Variants in GPC1 observed in about 807,000 individuals in gnomAD.
GPC1 encodes glypican-1.
Under a neutral mutation model 51.5 loss-of-function variants are expected in GPC1, and 26 were observed. That is an observed-to-expected ratio of 0.50 (90% CI 0.37 to 0.70). The LOEUF is 0.70. Among genes scored for constraint, GPC1 ranks in the 30% least tolerant of loss-of-function variants. The pLI is 0.00. For missense variants in GPC1, 775 were observed against 800.5 expected (o/e 0.97, Z 0.38); for synonymous variants, 380 against 348.3 (o/e 1.09, Z -1.01).
rs374599466 is a variant in GPC1 at position 240,458,175 on chromosome 2, C to T, written c.167-855C>T. ...GATTGCGGCAGCCTTCATCACAGTG[C>T]GATGCACACCCTTTAAAAAATGCAG... On this transcript the variant is annotated intron_variant, in intron 1 of 8. Coordinates refer to ENST00000264039, the MANE Select transcript of GPC1 (RefSeq NM_002081.3). 2.6e-4 allele frequency: 111 copies of T among 430,824 alleles called. 1 individual carries two copies. The highest frequency in any genetic ancestry group is 1.3e-3 in the South Asian group (77 of 61,458). 26.7% of individuals were successfully genotyped at this position (430,824 alleles called of 1,614,324 possible). A position where few individuals can be genotyped will look rare whatever the true frequency, so the allele number is the denominator to read the frequency against.
At chr2:240,457,348 G>A (rs10933605) in intron 1 of GPC1, 42,532 of 442,370 alleles carry the variant, frequency 0.096, 2,441 homozygotes, top group Middle Eastern at 0.23. Context: ...AGCGGCAGCC[G>A]CCCAAGCCCG....
chr2:240,443,366 T>C (rs2074030333), intron 1 of GPC1, among the ~76,000 whole-genome samples: 1 of 152,148 alleles, frequency 6.6e-6, no homozygotes. Context: ...GAGGGAGGCC[T>C]GGGGGCCAGG....
intron 1 of GPC1, among the ~76,000 whole-genome samples, chr2:240,438,659 G>T (rs1438540660): frequency 6.6e-6 from 1 of 152,220 alleles, no homozygotes; most frequent in Non-Finnish European, 1.5e-5. Flanking sequence ...TTGGCCCTGG[G>T]TGTGTGGCGG....
At chr2:240,464,369 C>T (rs1306558424) in intron 4 of GPC1, 2 of 516,466 alleles carry the variant, frequency 3.9e-6, no homozygotes, top group East Asian at 3.5e-5. Flanking sequence ...TGCAGAATGG[C>T]CTCTGTGTAT....
intron 1 of GPC1, among the ~76,000 whole-genome samples, chr2:240,438,150 A>G (rs1559192553): frequency 6.6e-6 from 1 of 152,194 alleles, no homozygotes; most frequent in East Asian, 1.9e-4. Context: ...GCCTGCTGCC[A>G]GGGCTCGGGG....
chr2:240,449,981 C>T (rs894571808), intron 1 of GPC1: 7 of 458,938 alleles, frequency 1.5e-5, no homozygotes, highest in South Asian at 7.8e-5. Flanking sequence ...TTCTACCTTC[C>T]GGCTCTGGTG....
chr2:240,458,929 C>G, intron 1 of GPC1, 101 bp from the exon 2 acceptor site: 1 of 1,128,138 alleles, frequency 8.9e-7, no homozygotes, highest in Non-Finnish European at 1.3e-6. Context: ...GAGCTGTGCT[C>G]CACCCTGGGT....
rs184264760 is a variant in GPC1, at chr2:240,438,277, T to C, written c.166+2193T>C. Among the ~76,000 whole-genome samples, 653 of 152,222 alleles carry C rather than the reference T, an allele frequency of 4.3e-3. 3 individuals are homozygous for C. Among genetic ancestry groups the C allele is most frequent in the African/African-American group, 0.015 (604 of 41,524 alleles). The stretch of plus-strand genomic sequence containing the variant: ...CCTGCACCCCCTATGGCTGCAGAAG[T>C]GGGGAGTAACCTTCGGGACCCAGGG... On this transcript the variant is annotated intron_variant, in intron 1 of 8. Transcript: ENST00000264039.
intron 1 of GPC1, chr2:240,452,909 C>T (rs1197948150): frequency 7.1e-6 from 2 of 279,800 alleles, no homozygotes; most frequent in Non-Finnish European, 1.4e-5. Context: ...GCTGGCTTTT[C>T]GCCTCCTGCG....
chr2:240,463,589 C>T lies in GPC1; in HGVS notation c.883+77C>T, dbSNP rs547122892. 211 of 1,323,380 alleles carry T rather than the reference C, an allele frequency of 1.6e-4. No homozygotes were observed. In the African/African-American group the frequency reaches 2.8e-3, roughly 17 times the overall value. The allele number at this position is 1,323,380 out of a possible 1,614,324, so 82.0% of individuals were successfully genotyped here. On this transcript the variant is annotated intron_variant, in intron 4 of 8. Transcript: ENST00000264039. ...CTGGGGGTCCTGGGGGGCGGGTGGT[C>T]CCTAGCTTAGAGCTTGGACCCAGGG...
intron 1 of GPC1, chr2:240,449,397 A>G (rs34548888): frequency 0.18 from 26,898 of 150,274 alleles, 2,468 homozygotes; most frequent in East Asian, 0.2. Flanking sequence ...AATTTCAGGT[A>G]GACCCTGAAT....
chr2:240,451,338 G>T (rs2074098338), intron 1 of GPC1: 1 of 449,748 alleles, frequency 2.2e-6, no homozygotes, highest in Admixed American at 2.4e-5. Flanking sequence ...CCCCCTGTGG[G>T]TGTAGCAGAC....
chr2:240,437,422 A>G (rs1240290213), intron 1 of GPC1, among the ~76,000 whole-genome samples: 1 of 151,776 alleles, frequency 6.6e-6, no homozygotes, highest in Non-Finnish European at 1.5e-5. Flanking sequence ...GAACCCGCAG[A>G]CAGTCCCTTG....
At chr2:240,454,492 G>A (rs1421144187) in intron 1 of GPC1, among the ~76,000 whole-genome samples, 1 of 152,220 alleles carries the variant, frequency 6.6e-6, no homozygotes, top group Non-Finnish European at 1.5e-5. Context: ...CGCAGCCATC[G>A]GCCAGCCAGG....
At position 240,465,570 on chromosome 2, in the gene GPC1, C is replaced by G. The variant is rs772408519; in HGVS notation, c.1366C>G (p.Gln456Glu). Residue 456 changes from glutamine to glutamate, a missense_variant, in exon 8 of 9, where the codon CAG becomes GAG. Transcript: ENST00000264039. ...CAAGCCGGACATGACCATCCGGCAG[C>G]AGATCATGCAGCTGAAGATCATGAC... ...ITKPDMTIRQ[Q>E]IMQLKIMTNR... The G allele has an allele frequency of 2.6e-5, 42 of 1,613,014 alleles. No homozygotes were observed. Among genetic ancestry groups the G allele is most frequent in the Non-Finnish European group, 3.6e-5 (42 of 1,179,962 alleles).
At chr2:240,456,497 C>G (rs574686129) in intron 1 of GPC1, 207 of 424,340 alleles carry the variant, frequency 4.9e-4, no homozygotes, top group African/African-American at 4.0e-3. Flanking sequence ...CACAGCTGAG[C>G]CCATCTCAGC....
At chr2:240,457,697 C>T (rs1033695821) in intron 1 of GPC1, among the ~76,000 whole-genome samples, 5 of 152,144 alleles carry the variant, frequency 3.3e-5, no homozygotes, top group African/African-American at 4.8e-5. Flanking sequence ...TGCCTCTGCC[C>T]GGGCTGACCC....
chr2:240,442,941 G>A lies in GPC1; in HGVS notation c.166+6857G>A, dbSNP rs558366045. Among the ~76,000 whole-genome samples the A allele has an allele frequency of 3.2e-4, 48 of 152,354 alleles. No individual in the cohort carries two copies. In the South Asian group the frequency reaches 7.7e-3, roughly 24 times the overall value. On this transcript the variant is annotated intron_variant, in intron 1 of 8. Coordinates refer to ENST00000264039, the MANE Select transcript of GPC1 (RefSeq NM_002081.3). ...CCACTCACCCCCGTCCACCTGAGGC[G>A]CTCTCTGGGCACAGCCTGGTCCCCA...
intron 1 of GPC1, among the ~76,000 whole-genome samples, chr2:240,453,739 C>A (rs2074128708): frequency 6.6e-6 from 1 of 151,770 alleles, no homozygotes; most frequent in African/African-American, 2.4e-5. Flanking sequence ...CCCTGCGCAC[C>A]CGCTCCGGCT....
Sources: gnomAD v4.1 joint callset for allele counts (sites outside exome capture counted in the v4.1 genomes callset) on GRCh38, gnomAD v4.1.1 for gene constraint, MANE v1.5 for transcripts, NCBI Gene and HGNC (gene_info 2026-07-23, HGNC 2026-07-21) for gene names.